DLC1: variants seen among roughly 807,000 people sequenced by gnomAD.
The protein encoded by DLC1 is DLC1 Rho GTPase activating protein.
A neutral mutation model predicts 140.3 loss-of-function variants in DLC1; 54 were observed. The observed-to-expected ratio is 0.38, with a 90% confidence interval of 0.31 to 0.48. DLC1 has a LOEUF of 0.48. Among genes scored for constraint, DLC1 ranks in the 20% least tolerant of loss-of-function variants. The pLI is 0.96. For synonymous variants in DLC1, 986 were observed against 728.1 expected (o/e 1.35, Z -5.70); for missense variants, 2,536 against 1,907.0 (o/e 1.33, Z -6.14).
At chr8:13,123,507 A>ATT (rs372704702) in intron 5 of DLC1, among the ~76,000 whole-genome samples, 21,588 of 139,774 alleles carry the variant, frequency 0.15, 1,706 homozygotes, top group Middle Eastern at 0.19. Flanking sequence ...CAATGAGCTA[A>ATT]TTTTTTTTTT....
At chr8:13,294,305 G>A (rs1174665599) in intron 5 of DLC1, among the ~76,000 whole-genome samples, 1 of 150,942 alleles carries the variant, frequency 6.6e-6, no homozygotes, top group Non-Finnish European at 1.5e-5. Flanking sequence ...GCTACATCAT[G>A]TTTTAAAAGA....
At chr8:13,602,264 G>C (rs1272885481) in intron 1 of DLC1, among the ~76,000 whole-genome samples, 1 of 151,726 alleles carries the variant, frequency 6.6e-6, no homozygotes, top group African/African-American at 2.4e-5. Flanking sequence ...AGAACTTTTA[G>C]ACTAAAAGAA....
rs1413727387 is a variant in DLC1 at position 13,100,163 on chromosome 8, T to C, written c.2174A>G (p.Asn725Ser). 4 of 1,613,998 alleles carry C rather than the reference T, an allele frequency of 2.5e-6. No homozygotes were observed. The Admixed American group carries it at 5.0e-5, about 20-fold the overall frequency. The change falls in exon 9 of 18, where the codon AAC (asparagine) becomes AGC (serine). Residue 725 changes from asparagine to serine, a missense_variant. Asn to Ser is a conservative substitution (Grantham distance 46, BLOSUM62 1). Coordinates refer to ENST00000276297, the MANE Select transcript of DLC1 (RefSeq NM_182643.3). ...GCTCCTCTTTCGTACCATGGGGACGTTGATGCGGTTGCCATTGAGGGCGGA... is the reference window on the plus strand; with the variant it reads ...GCTCCTCTTTCGTACCATGGGGACGCTGATGCGGTTGCCATTGAGGGCGGA... The part of the protein sequence containing the change: ...EISALNGNRI[N>S]VPMVRKRSVS...
At chr8:13,292,102 T>C (rs1831778868) in intron 5 of DLC1, among the ~76,000 whole-genome samples, 1 of 152,172 alleles carries the variant, frequency 6.6e-6, no homozygotes, top group South Asian at 2.1e-4. Context: ...GCAGTTTTTT[T>C]GTTTTGTTTT....
chr8:13,152,593 A>T (rs1340440851), intron 5 of DLC1, among the ~76,000 whole-genome samples: 1 of 152,092 alleles, frequency 6.6e-6, no homozygotes, highest in African/African-American at 2.4e-5. Context: ...TTTATGCTTA[A>T]CAAATGGAAG....
chr8:13,474,080 C>T (rs4831437), intron 2 of DLC1, among the ~76,000 whole-genome samples: 37,990 of 152,128 alleles, frequency 0.25, 5,758 homozygotes, highest in Middle Eastern at 0.37. Flanking sequence ...GTCTTCATGG[C>T]AGCCCCTCCC....
In DLC1 at chr8:13,524,879, T is replaced by C. The variant is rs1339148311; in HGVS notation, c.-125-24683A>G. Among the ~76,000 whole-genome samples, 3 of 152,210 alleles carry C rather than the reference T, an allele frequency of 2.0e-5. No homozygotes were observed. In the East Asian group the frequency reaches 5.8e-4, roughly 29 times the overall value. ...AACTCTACATATTTAAAGTGAACAA[T>C]TTGATTGCTTTTGACAAATTCATAT... On this transcript the variant is annotated intron_variant, in intron 1 of 1. Coordinates refer to the DLC1 transcript ENST00000631382.
intron 2 of DLC1, among the ~76,000 whole-genome samples, chr8:13,463,137 T>C (rs1489076193): frequency 6.6e-6 from 1 of 151,944 alleles, no homozygotes; most frequent in Non-Finnish European, 1.5e-5. Context: ...ATTTATTTTA[T>C]TTTTTTATCT....
At chr8:13,265,919 C>A (rs1348965113) in intron 5 of DLC1, among the ~76,000 whole-genome samples, 2 of 152,174 alleles carry the variant, frequency 1.3e-5, no homozygotes, top group African/African-American at 4.8e-5. Context: ...AGGGCATTTA[C>A]AATGGATTTT....
chr8:13,194,104 G>A (rs1287867422), intron 5 of DLC1, among the ~76,000 whole-genome samples: 4 of 152,110 alleles, frequency 2.6e-5, no homozygotes, highest in Non-Finnish European at 4.4e-5. Context: ...ATCTGCATTC[G>A]CTACCCACAG....
chr8:13,496,205 A>C (rs961545524), intron 2 of DLC1, among the ~76,000 whole-genome samples: 1 of 152,220 alleles, frequency 6.6e-6, no homozygotes, highest in Admixed American at 6.5e-5. Context: ...CACTAGTATT[A>C]GACATCAACT....
intron 16 of DLC1, 59 bp downstream of exon 16, chr8:13,088,428 A>T: frequency 6.4e-7 from 1 of 1,559,540 alleles, no homozygotes; most frequent in Admixed American, 1.7e-5. Flanking sequence ...AGTGACATAT[A>T]GGCTTGGTTC....
chr8:13,291,694 G>A (rs1239082182), intron 5 of DLC1, among the ~76,000 whole-genome samples: 3 of 152,068 alleles, frequency 2.0e-5, no homozygotes, highest in Admixed American at 2.0e-4. Context: ...TATAAATAAG[G>A]TAAATTCTAG....
At chr8:13,596,417 C>G (rs1805681872) in intron 1 of DLC1, among the ~76,000 whole-genome samples, 1 of 151,832 alleles carries the variant, frequency 6.6e-6, no homozygotes, top group Non-Finnish European at 1.5e-5. Context: ...TTAGGTTCTT[C>G]CATAGAGGGT....
chr8:13,579,315 T>TTTTATATATATA (rs1487346725), intron 1 of DLC1, among the ~76,000 whole-genome samples: 2 of 10,668 alleles, frequency 1.9e-4, no homozygotes, highest in Non-Finnish European at 3.3e-4. Flanking sequence ...AGGTCTGACT[T>TTTTATATATATA]TATATATATA....
intron 5 of DLC1, among the ~76,000 whole-genome samples, chr8:13,183,042 G>T (rs949109981): frequency 1.3e-5 from 2 of 152,216 alleles, no homozygotes; most frequent in Non-Finnish European, 1.5e-5. Flanking sequence ...CGCATCCCTT[G>T]TAAGTTGGAT....
chr8:13,380,832 A>C (rs1337777338), intron 4 of DLC1, among the ~76,000 whole-genome samples: 1 of 152,220 alleles, frequency 6.6e-6, no homozygotes, highest in Non-Finnish European at 1.5e-5. Context: ...GAATGCATTC[A>C]AGACCTCAAT....
intron 5 of DLC1, among the ~76,000 whole-genome samples, chr8:13,173,845 C>A (rs554418006): frequency 2.0e-5 from 3 of 152,172 alleles, no homozygotes; most frequent in South Asian, 4.2e-4. Context: ...ATAATTAGTC[C>A]ATTTTTTATT....
At chr8:13,222,820 T>C (rs1828621053) in intron 5 of DLC1, among the ~76,000 whole-genome samples, 1 of 152,144 alleles carries the variant, frequency 6.6e-6, no homozygotes, top group South Asian at 2.1e-4. Flanking sequence ...CATAGCTCAC[T>C]GTAGCCACAA....
Sources: allele counts gnomAD v4.1 joint callset (sites outside exome capture counted in the v4.1 genomes callset), GRCh38; gene constraint gnomAD v4.1.1; transcripts MANE v1.5; gene names NCBI Gene and HGNC (gene_info 2026-07-23, HGNC 2026-07-21).